Variants in PDE4B observed in about 807,000 individuals in gnomAD.
The protein encoded by PDE4B is phosphodiesterase 4B.
PDE4B carries 20 observed loss-of-function variants against 82.2 expected under a neutral mutation model. The observed-to-expected ratio is 0.24, with a 90% CI of 0.17 to 0.35. PDE4B has a LOEUF of 0.35. Ranked by LOEUF, PDE4B falls within the 10% of genes least tolerant of loss-of-function variation. The pLI, the probability that PDE4B is intolerant of heterozygous loss-of-function variation, is 1.00. For synonymous variants in PDE4B, 320 were observed against 318.9 expected, an observed-to-expected ratio of 1.00 and a Z score of -0.04; for missense variants, 655 against 907.2, an observed-to-expected ratio of 0.72 and a Z score of 3.57.
intron 7 of PDE4B, among the ~76,000 whole-genome samples, chr1:66,308,169 A>T (rs1383746802): frequency 6.6e-6 from 1 of 152,130 alleles, no homozygotes; most frequent in Non-Finnish European, 1.5e-5. Flanking sequence ...GGAAATGCAA[A>T]ATTGGGCAGA....
intron 3 of PDE4B, among the ~76,000 whole-genome samples, chr1:66,047,456 G>C (rs1423417337): frequency 6.6e-6 from 1 of 151,858 alleles, no homozygotes; most frequent in Non-Finnish European, 1.5e-5. Flanking sequence ...AGAAGTCCCT[G>C]TACAACTGAG....
At chr1:65,938,964 C>G (rs1036961276) in intron 3 of PDE4B, among the ~76,000 whole-genome samples, 6 of 152,016 alleles carry the variant, frequency 3.9e-5, no homozygotes, top group Admixed American at 2.6e-4. Context: ...GGAGCCGAGA[C>G]AGAAAGATAC....
intron 6 of PDE4B, among the ~76,000 whole-genome samples, chr1:66,263,701 A>C (rs527689771): frequency 7.2e-5 from 11 of 152,300 alleles, no homozygotes; most frequent in African/African-American, 2.6e-4. Flanking sequence ...AAGCACCATG[A>C]GAGATTAAAG....
chr1:66,332,953 T>G lies in PDE4B; in HGVS notation c.747+333T>G, dbSNP rs562973812. ...AAGTGCTTTAAAATTTTTTTACAAT[T>G]ATCAGGAAGCTAAAATCTGAGTTAG... On this transcript the variant is annotated intron_variant, in intron 8 of 16. Transcript: ENST00000341517. Among the ~76,000 whole-genome samples the G allele has an allele frequency of 5.9e-4, 90 of 152,340 alleles. 1 individual carries two copies. In the South Asian group the frequency reaches 0.018, roughly 31 times the overall value.
chr1:66,329,182 T>C (rs978487776), intron 7 of PDE4B, among the ~76,000 whole-genome samples: 48 of 152,234 alleles, frequency 3.2e-4, no homozygotes, highest in East Asian at 3.9e-4. Flanking sequence ...CACCTCAAGG[T>C]ATCCCAGTGC....
chr1:65,819,884 A>T (rs1645933178), intron 1 of PDE4B, among the ~76,000 whole-genome samples: 1 of 152,234 alleles, frequency 6.6e-6, no homozygotes, highest in Non-Finnish European at 1.5e-5. Flanking sequence ...CCGCAGAGGT[A>T]GAAGGATTCC....
intron 3 of PDE4B, among the ~76,000 whole-genome samples, chr1:66,196,747 G>A (rs1303951535): frequency 2.0e-5 from 3 of 147,536 alleles, no homozygotes; most frequent in Non-Finnish European, 4.5e-5. Context: ...CTCATAGGTG[G>A]GAATTGAACA....
At chr1:65,844,093 G>A (rs1571005242) in intron 1 of PDE4B, among the ~76,000 whole-genome samples, 1 of 151,968 alleles carries the variant, frequency 6.6e-6, no homozygotes, top group African/African-American at 2.4e-5. Flanking sequence ...TTATCCACAT[G>A]TCTTCAATAT....
intron 3 of PDE4B, among the ~76,000 whole-genome samples, chr1:66,058,390 G>A (rs1340053505): frequency 6.6e-6 from 1 of 152,192 alleles, no homozygotes; most frequent in African/African-American, 2.4e-5. Context: ...AGAGGACGGT[G>A]TCCCTCTTCT....
chr1:65,828,479 C>G (rs887653994), intron 1 of PDE4B, among the ~76,000 whole-genome samples: 17 of 152,206 alleles, frequency 1.1e-4, no homozygotes, highest in African/African-American at 3.9e-4. Flanking sequence ...CTCCTGACCT[C>G]AAATGATCCG....
chr1:65,947,800 C>G (rs1450451212), intron 3 of PDE4B, among the ~76,000 whole-genome samples: 1 of 151,802 alleles, frequency 6.6e-6, no homozygotes, highest in Non-Finnish European at 1.5e-5. Flanking sequence ...TTGGAGGGAG[C>G]ATAGACCTGC....
At chr1:66,122,207 A>G (rs1645723160) in intron 3 of PDE4B, among the ~76,000 whole-genome samples, 1 of 152,200 alleles carries the variant, frequency 6.6e-6, no homozygotes, top group Admixed American at 6.5e-5. Flanking sequence ...GATAATAACT[A>G]CTGCATAAGA....
chr1:65,923,560 A>G (rs1647329095), intron 3 of PDE4B, among the ~76,000 whole-genome samples: 1 of 152,120 alleles, frequency 6.6e-6, no homozygotes, highest in East Asian at 1.9e-4. Context: ...TCCTCCTCAT[A>G]TCTTAGAACC....
At chr1:66,159,651 A>G (rs1646570885) in intron 3 of PDE4B, among the ~76,000 whole-genome samples, 1 of 152,214 alleles carries the variant, frequency 6.6e-6, no homozygotes, top group South Asian at 2.1e-4. Flanking sequence ...GGGCTTGAGT[A>G]ATCTTGAGGG....
chr1:65,956,362 C>T (rs1649260119), intron 3 of PDE4B, among the ~76,000 whole-genome samples: 1 of 152,084 alleles, frequency 6.6e-6, no homozygotes, highest in Non-Finnish European at 1.5e-5. Flanking sequence ...TCTCTGAAGC[C>T]TTTCCACCAA....
At chr1:66,196,538 T>A (rs377515517) in intron 3 of PDE4B, among the ~76,000 whole-genome samples, 12 of 152,254 alleles carry the variant, frequency 7.9e-5, no homozygotes, top group East Asian at 5.8e-4. Context: ...CTGAAGGCAG[T>A]TTGGTCCCTC....
At chr1:65,822,711 G>C (rs1645967187) in intron 1 of PDE4B, among the ~76,000 whole-genome samples, 1 of 152,050 alleles carries the variant, frequency 6.6e-6, no homozygotes, top group South Asian at 2.1e-4. Flanking sequence ...ACCACATGAG[G>C]ACACAGCATT....
chr1:65,879,531 T>C (rs1436307673), intron 1 of PDE4B, among the ~76,000 whole-genome samples: 1 of 152,046 alleles, frequency 6.6e-6, no homozygotes, highest in Non-Finnish European at 1.5e-5. Flanking sequence ...AGAGATTTAA[T>C]TTGGACTGGA....
chr1:66,299,774 C>T (rs1657756360), intron 7 of PDE4B, among the ~76,000 whole-genome samples: 1 of 152,118 alleles, frequency 6.6e-6, no homozygotes, highest in African/African-American at 2.4e-5. Flanking sequence ...CTTTTCCTCA[C>T]TCATTGTGAC....
Sources: allele counts gnomAD v4.1 joint callset (sites outside exome capture counted in the v4.1 genomes callset), GRCh38; gene constraint gnomAD v4.1.1; transcripts MANE v1.5; gene names NCBI Gene and HGNC (gene_info 2026-07-23, HGNC 2026-07-21).